Variants in SLC41A3 observed in about 807,000 individuals in gnomAD.
SLC41A3 encodes the protein SLC41A1-like 2.
SLC41A3 carries 44 observed loss-of-function variants against 45.4 expected under a neutral mutation model. The ratio of observed to expected loss-of-function variants is 0.97; its 90% CI spans 0.76 to 1.25. The LOEUF is 1.25. SLC41A3 is among the 50% of genes most tolerant of loss of function. The pLI, the probability that SLC41A3 is intolerant of heterozygous loss-of-function variation, is 0.00. For missense variants in SLC41A3, 550 were observed against 600.6 expected, an observed-to-expected ratio of 0.92 and a Z score of 0.88; for synonymous variants, 256 against 252.4, an observed-to-expected ratio of 1.01 and a Z score of -0.13.
intron 1 of SLC41A3, among the ~76,000 whole-genome samples, chr3:126,083,217 C>A (rs537651831): frequency 4.0e-4 from 61 of 152,234 alleles, no homozygotes; most frequent in African/African-American, 1.4e-3. Flanking sequence ...TGGGGACCCA[C>A]CCCCAAGGTT....
At chr3:126,050,229 C>T (rs958908060) in intron 3 of SLC41A3, among the ~76,000 whole-genome samples, 1 of 152,210 alleles carries the variant, frequency 6.6e-6, no homozygotes, top group African/African-American at 2.4e-5. Context: ...CCCCTGCCCC[C>T]ACCCCACCTG....
chr3:126,029,114 C>T (rs980314516), intron 4 of SLC41A3, among the ~76,000 whole-genome samples: 1 of 152,296 alleles, frequency 6.6e-6, no homozygotes, highest in East Asian at 1.9e-4. Flanking sequence ...CTTTGGGTGA[C>T]TGTTAGGAAG....
chr3:126,040,665 A>G (rs1008060204), intron 3 of SLC41A3, among the ~76,000 whole-genome samples: 1 of 152,112 alleles, frequency 6.6e-6, no homozygotes, highest in African/African-American at 2.4e-5. Context: ...GAGGCAGGGC[A>G]GTGCCCCAAG....
At chr3:126,015,643 C>G (rs551699599) in intron 7 of SLC41A3, 70 bp from the exon 8 acceptor site, 908 of 1,457,546 alleles carry the variant, frequency 6.2e-4, no homozygotes, top group Non-Finnish European at 8.4e-4. Flanking sequence ...ACTCTCCACA[C>G]AAATCACCCT....
intron 3 of SLC41A3, among the ~76,000 whole-genome samples, chr3:126,043,396 A>G (rs897222616): frequency 3.9e-5 from 6 of 152,194 alleles, no homozygotes; most frequent in African/African-American, 1.4e-4. Context: ...AATGGTAAAG[A>G]GAGTCATTCA....
chr3:126,049,323 C>T (rs1943174220), intron 3 of SLC41A3, among the ~76,000 whole-genome samples: 1 of 152,014 alleles, frequency 6.6e-6, no homozygotes, highest in Non-Finnish European at 1.5e-5. Flanking sequence ...CCTGCCTCTG[C>T]TAAAAATACA....
intron 3 of SLC41A3, among the ~76,000 whole-genome samples, chr3:126,035,450 C>T (rs1303900842): frequency 6.6e-6 from 1 of 152,186 alleles, no homozygotes; most frequent in Non-Finnish European, 1.5e-5. Context: ...GGTGGAGGAA[C>T]ACAGACCGCT....
intron 3 of SLC41A3, among the ~76,000 whole-genome samples, chr3:126,046,196 C>T (rs868443109): frequency 6.6e-6 from 1 of 152,160 alleles, no homozygotes; most frequent in Non-Finnish European, 1.5e-5. Flanking sequence ...GACAAGGATG[C>T]CTGCTTTCAC....
chr3:126,032,408 G>C (rs1247872133), intron 4 of SLC41A3, among the ~76,000 whole-genome samples: 1 of 152,192 alleles, frequency 6.6e-6, no homozygotes, highest in African/African-American at 2.4e-5. Context: ...GAAGCAGCTG[G>C]GGTGACTTGG....
intron 2 of SLC41A3, chr3:126,067,357 T>A (rs2108014621): frequency 6.2e-6 from 1 of 162,418 alleles, no homozygotes; most frequent in Middle Eastern, 2.9e-3. Flanking sequence ...AATGAGACTA[T>A]AATTAGAGAC....
chr3:126,033,618 C>G lies in SLC41A3; in HGVS notation c.442G>C (p.Ala148Pro). The G allele has an allele frequency of 6.2e-7, 1 of 1,612,444 alleles. No individual in the cohort carries two copies. Among genetic ancestry groups the G allele is most frequent in the South Asian group, 1.1e-5 (1 of 90,154 alleles). ...EQHRVISSNLALIQVQATVVG... is the reference protein window; with the variant it reads ...EQHRVISSNLPLIQVQATVVG... ...AGGTGAAGACTCACCTGGATGAGGG[C>G]CAGGTTGCTGCTGATGACTCTGTGC... Residue 148 changes from alanine (A) to proline (P), a missense_variant, in exon 4 of 11, where the codon GCC (alanine) becomes CCC (proline). Transcript: ENST00000360370.
At chr3:126,022,637 T>G in intron 6 of SLC41A3, 149 bp downstream of exon 6, 1 of 1,006,278 alleles carries the variant, frequency 9.9e-7, no homozygotes, top group Non-Finnish European at 1.5e-6. Flanking sequence ...AGTTAGGGGT[T>G]AAGTTTCCAA....
intron 1 of SLC41A3, among the ~76,000 whole-genome samples, chr3:126,095,531 G>A (rs574827670): frequency 2.0e-5 from 3 of 152,258 alleles, no homozygotes; most frequent in East Asian, 1.9e-4. Context: ...TATACTTATT[G>A]GGCATATTTA....
intron 2 of SLC41A3, among the ~76,000 whole-genome samples, chr3:126,053,465 A>G (rs1209032506): frequency 6.6e-6 from 1 of 152,250 alleles, no homozygotes; most frequent in African/African-American, 2.4e-5. Flanking sequence ...ATACAAATGT[A>G]AAGTGAAAAA....
chr3:126,034,034 T>C (rs548682280), intron 3 of SLC41A3, among the ~76,000 whole-genome samples: 4 of 152,280 alleles, frequency 2.6e-5, no homozygotes, highest in South Asian at 4.1e-4. Flanking sequence ...CAGGCATTCA[T>C]GTTACCAGCA....
In SLC41A3 at chr3:126,009,620, T is replaced by C. The variant is rs1282623663; in HGVS notation, c.1106-740A>G. ...CTCCATTTGCCTCTGAGTTAATATATGTATTTCACCAAAATAATAAAAGGA... is the reference window on the plus strand; with the variant it reads ...CTCCATTTGCCTCTGAGTTAATATACGTATTTCACCAAAATAATAAAAGGA... On this transcript the variant is annotated intron_variant, in intron 9 of 10. Transcript: ENST00000360370. Among the ~76,000 whole-genome samples the C allele has an allele frequency of 7.2e-5, 11 of 152,348 alleles. No individual in the cohort carries two copies. In the East Asian group the frequency reaches 2.1e-3, roughly 29 times the overall value.
At chr3:126,086,691 A>C (rs751952591), upstream of SLC41A3, among the ~76,000 whole-genome samples, 1 of 152,172 alleles carries the variant, frequency 6.6e-6, no homozygotes, top group Non-Finnish European at 1.5e-5. Flanking sequence ...TGTTTCCTTT[A>C]ATATGCAAAT....
chr3:126,006,650 G>A lies in SLC41A3; in HGVS notation c.*366C>T. On this transcript the variant is annotated 3_prime_UTR_variant, in exon 11 of 11. Transcript: ENST00000360370. ...GCTCCTTCCTGCTCCACCCCAATCT[G>A]GGTTGCATGGGCATGGAAAAGAGCA... 6.6e-7 allele frequency: 1 copy of A among 1,510,706 alleles called. No homozygotes were observed. The highest frequency in any genetic ancestry group is 8.8e-7 in the Non-Finnish European group (1 of 1,134,448). The allele number at this position is 1,510,706 out of a possible 1,614,324, so 93.6% of individuals were successfully genotyped here. A position where few individuals can be genotyped will look rare whatever the true frequency, so the allele number is the denominator to read the frequency against.
At chr3:126,029,170 G>T (rs180709740) in intron 4 of SLC41A3, among the ~76,000 whole-genome samples, 1 of 152,180 alleles carries the variant, frequency 6.6e-6, no homozygotes, top group African/African-American at 2.4e-5. Flanking sequence ...GATTTGGGGG[G>T]CCAGGGGTGA....
Sources: gnomAD v4.1 joint callset for allele counts (sites outside exome capture counted in the v4.1 genomes callset) on GRCh38, gnomAD v4.1.1 for gene constraint, MANE v1.5 for transcripts, NCBI Gene and HGNC (gene_info 2026-07-23, HGNC 2026-07-21) for gene names.